The following ADGRL3 variants were observed in gnomAD, a reference collection of about 807,000 sequenced individuals.
The protein encoded by ADGRL3 is adhesion G protein-coupled receptor L3, also known as calcium-independent alpha-latrotoxin receptor 3.
Under a neutral mutation model 153.5 loss-of-function variants are expected in ADGRL3, and 62 were observed. The observed-to-expected ratio is 0.40, with a 90% CI of 0.33 to 0.50. ADGRL3 has a LOEUF of 0.50. Ranked by LOEUF, ADGRL3 falls within the 20% of genes least tolerant of loss-of-function variation. ADGRL3 has a pLI of 0.47. For missense variants in ADGRL3, 1,641 were observed against 1,859.4 expected (o/e 0.88, Z 2.16); for synonymous variants, 710 against 672.5 (o/e 1.06, Z -0.86).
At chr4:61,535,826 A>G (rs1240520263) in intron 4 of ADGRL3, among the ~76,000 whole-genome samples, 1 of 151,832 alleles carries the variant, frequency 6.6e-6, no homozygotes, top group East Asian at 1.9e-4. Flanking sequence ...GCATCTATCA[A>G]TTTTGTTCAT....
intron 1 of ADGRL3, among the ~76,000 whole-genome samples, chr4:61,260,382 G>A (rs559907729): frequency 1.3e-5 from 2 of 152,298 alleles, no homozygotes; most frequent in African/African-American, 4.8e-5. Flanking sequence ...CCGTGTTAAT[G>A]AATAATGAAA....
chr4:61,465,758 AATATAT>A lies in ADGRL3; in HGVS notation c.-173-31348_-173-31343del, dbSNP rs10701021. Among the ~76,000 whole-genome samples the A allele has an allele frequency of 2.3e-5, 3 of 130,178 alleles. No homozygotes were observed. The South Asian group carries it at 7.6e-4, about 33-fold the overall frequency. 85.4% of individuals were successfully genotyped at this position (130,178 alleles called of 152,430 possible). The stretch of plus-strand genomic sequence containing the variant: ...ACTCTGGATTTTAAAATTATATATA[AATATAT>A]ATATATATATATATCTTATATGGAA... On this transcript the variant is annotated intron_variant, in intron 2 of 26. Coordinates refer to ENST00000683033, the MANE Select transcript of ADGRL3 (RefSeq NM_001387552.1).
In ADGRL3 at chr4:61,200,579, G is replaced by GCCGCCA. The variant is rs1422761301; in HGVS notation, c.-1420_-1415dup. Among the ~76,000 whole-genome samples the GCCGCCA allele has an allele frequency of 1.3e-5, 2 of 151,946 alleles. No homozygotes were observed. Among genetic ancestry groups the GCCGCCA allele is most frequent in the Non-Finnish European group, 2.9e-5 (2 of 67,968 alleles). On this transcript the variant is annotated 5_prime_UTR_variant, in exon 1 of 27. Transcript: ENST00000683033. ...TGCCTCCGCTCCGGCAGCTGCTGCC[G>GCCGCCA]CCGCCACCGCCGCCTGTGACTCGCC...
intron 6 of ADGRL3, among the ~76,000 whole-genome samples, chr4:61,711,089 T>A (rs747989166): frequency 6.6e-6 from 1 of 152,006 alleles, no homozygotes; most frequent in African/African-American, 2.4e-5. Context: ...TTACCAAGAG[T>A]TGGACATTGT....
At chr4:61,323,278 C>T (rs1177786483) in intron 1 of ADGRL3, among the ~76,000 whole-genome samples, 1 of 152,178 alleles carries the variant, frequency 6.6e-6, no homozygotes, top group African/African-American at 2.4e-5. Context: ...GGAGGGGCTG[C>T]TGCAAAGGTC....
chr4:61,360,731 A>T (rs1313791341), intron 1 of ADGRL3, among the ~76,000 whole-genome samples: 1 of 152,206 alleles, frequency 6.6e-6, no homozygotes, highest in East Asian at 1.9e-4. Flanking sequence ...AAAATCCTTT[A>T]GACATTTATT....
intron 8 of ADGRL3, among the ~76,000 whole-genome samples, chr4:61,778,659 GTTA>G (rs1352533750): frequency 2.0e-5 from 3 of 152,150 alleles, no homozygotes; most frequent in Non-Finnish European, 2.9e-5. Context: ...ATCGAACCTT[GTTA>G]TTATTAATAT....
Position 61,871,074 on chromosome 4 carries a change from C to G in ADGRL3, c.1481-21582C>G, listed in dbSNP as rs772720473. ...CGGGCGAATCACGAGGTCAGGAGAT[C>G]GAGACCATCCTGGCTAACACGGTGA... On this transcript the variant is annotated intron_variant, in intron 9 of 26. Coordinates refer to ENST00000683033, the MANE Select transcript of ADGRL3 (RefSeq NM_001387552.1). 1.1e-3 allele frequency among the ~76,000 whole-genome samples: 161 copies of G among 152,136 alleles called. 1 individual carries two copies. The highest frequency in any genetic ancestry group is 1.7e-3 in the Non-Finnish European group (115 of 68,006).
At chr4:61,394,071 A>G (rs2096842866) in intron 2 of ADGRL3, among the ~76,000 whole-genome samples, 1 of 152,076 alleles carries the variant, frequency 6.6e-6, no homozygotes. Flanking sequence ...AAAGGGTCTT[A>G]TTAGTGGAGA....
intron 5 of ADGRL3, among the ~76,000 whole-genome samples, chr4:61,588,170 T>G (rs1196925038): frequency 6.6e-6 from 1 of 151,822 alleles, no homozygotes; most frequent in Non-Finnish European, 1.5e-5. Flanking sequence ...TTACTATGCT[T>G]TCTCAGAAAT....
At chr4:61,520,541 T>C (rs533262504) in intron 4 of ADGRL3, among the ~76,000 whole-genome samples, 3 of 152,278 alleles carry the variant, frequency 2.0e-5, no homozygotes, top group African/African-American at 7.2e-5. Context: ...ATATATTTGA[T>C]CAGTCCATTT....
At chr4:62,054,722 TA>T (rs1455260798) in intron 25 of ADGRL3, among the ~76,000 whole-genome samples, 14 of 151,314 alleles carry the variant, frequency 9.3e-5, no homozygotes, top group Non-Finnish European at 4.4e-5. Flanking sequence ...ACAACATATA[TA>T]AAAAACAAAA....
intron 2 of ADGRL3, among the ~76,000 whole-genome samples, chr4:61,454,459 T>A (rs2097710990): frequency 6.6e-6 from 1 of 152,170 alleles, no homozygotes; most frequent in Admixed American, 6.6e-5. Context: ...AATGTGAATG[T>A]ATGCAAATAA....
At chr4:61,652,794 A>C (rs2094307544) in intron 5 of ADGRL3, among the ~76,000 whole-genome samples, 1 of 152,182 alleles carries the variant, frequency 6.6e-6, no homozygotes, top group Non-Finnish European at 1.5e-5. Context: ...AACTGCTATT[A>C]ATAGAATAAT....
intron 5 of ADGRL3, among the ~76,000 whole-genome samples, chr4:61,614,425 T>C (rs996401682): frequency 2.6e-5 from 4 of 152,208 alleles, no homozygotes; most frequent in African/African-American, 9.6e-5. Context: ...TGTGTGCCAT[T>C]CATCCCTCCT....
intron 9 of ADGRL3, 73 bp from the exon 10 acceptor site, chr4:61,892,583 T>A: frequency 9.4e-7 from 1 of 1,063,552 alleles, no homozygotes; most frequent in East Asian, 2.4e-5. Context: ...AAACAATTTC[T>A]AAAGTACTAG....
chr4:61,220,233 A>G (rs1221773739), intron 1 of ADGRL3, among the ~76,000 whole-genome samples: 1 of 152,062 alleles, frequency 6.6e-6, no homozygotes, highest in African/African-American at 2.4e-5. Context: ...TTTTTTTCGA[A>G]GGTAGGGGCT....
At chr4:61,768,213 C>T (rs534450062) in intron 8 of ADGRL3, among the ~76,000 whole-genome samples, 4 of 151,816 alleles carry the variant, frequency 2.6e-5, no homozygotes, top group East Asian at 2.0e-4. Context: ...CTGGGCAGGT[C>T]GGGGAGGGCT....
chr4:61,227,578 A>T lies in ADGRL3; in HGVS notation c.-240+25813A>T, dbSNP rs541574556. Among the ~76,000 whole-genome samples, 4 of 151,534 alleles carry T rather than the reference A, an allele frequency of 2.6e-5. No homozygotes were observed. In the East Asian group the frequency reaches 8.0e-4, roughly 30 times the overall value. ...TATATCAAAGTCATAATGGCAAAGA[A>T]TAATCTGTTTTTAAATTTTTTCTTT... On this transcript the variant is annotated intron_variant, in intron 1 of 26. Coordinates refer to ENST00000683033, the MANE Select transcript of ADGRL3 (RefSeq NM_001387552.1).
Sources: allele counts gnomAD v4.1 joint callset (sites outside exome capture counted in the v4.1 genomes callset), GRCh38; gene constraint gnomAD v4.1.1; transcripts MANE v1.5; gene names NCBI Gene and HGNC (gene_info 2026-07-23, HGNC 2026-07-21).